NEGR1: variants seen among roughly 807,000 people sequenced by gnomAD.
NEGR1 encodes IgLON family member 4.
NEGR1 carries 10 observed loss-of-function variants against 40.9 expected under a neutral mutation model. The observed-to-expected ratio is 0.24, with a 90% confidence interval of 0.15 to 0.42. The LOEUF (loss-of-function observed/expected upper bound fraction) is 0.42. Among genes scored for constraint, NEGR1 ranks in the 10% least tolerant of loss-of-function variants. The pLI is 1.00. For missense variants in NEGR1, 352 were observed against 438.9 expected, an observed-to-expected ratio of 0.80 and a Z score of 1.77; for synonymous variants, 185 against 166.8, an observed-to-expected ratio of 1.11 and a Z score of -0.84.
intron 4 of NEGR1, among the ~76,000 whole-genome samples, chr1:71,674,974 G>C (rs891318480): frequency 4.0e-5 from 6 of 150,906 alleles, no homozygotes; most frequent in South Asian, 2.1e-4. Context: ...CCTAACACTT[G>C]TAACATTCCA....
At chr1:71,587,317 A>G (rs191133949) in intron 6 of NEGR1, among the ~76,000 whole-genome samples, 2 of 152,254 alleles carry the variant, frequency 1.3e-5, no homozygotes, top group Non-Finnish European at 2.9e-5. Context: ...TAACCAGGGA[A>G]AAACAGTTAC....
At chr1:71,551,188 A>G (rs948832264) in intron 6 of NEGR1, among the ~76,000 whole-genome samples, 4 of 151,670 alleles carry the variant, frequency 2.6e-5, no homozygotes, top group African/African-American at 4.8e-5. Context: ...AAAAATGTGA[A>G]CATTAAAAGT....
chr1:71,895,431 T>C (rs373316141), intron 2 of NEGR1, among the ~76,000 whole-genome samples: 186 of 152,300 alleles, frequency 1.2e-3, no homozygotes, highest in Non-Finnish European at 2.2e-3. Context: ...AGAAATGCCA[T>C]TCCCATTAGT....
At position 71,865,728 on chromosome 1, in the gene NEGR1, T is replaced by C. The variant is rs528503105; in HGVS notation, c.409+69351A>G. 1.0e-3 allele frequency among the ~76,000 whole-genome samples: 154 copies of C among 152,310 alleles called. 1 individual carries two copies. The highest frequency in any genetic ancestry group is 3.4e-3 in the African/African-American group (141 of 41,572). On this transcript the variant is annotated intron_variant, in intron 2 of 6. Coordinates refer to ENST00000357731, the MANE Select transcript of NEGR1 (RefSeq NM_173808.3). ...AACAAACCTGCACGTTCTGCACATG[T>C]ATCCCAGAACTTAAGTATATTAAAA...
At chr1:72,029,167 AT>A in intron 1 of NEGR1, among the ~76,000 whole-genome samples, 1 of 152,266 alleles carries the variant, frequency 6.6e-6, no homozygotes, top group African/African-American at 2.4e-5. Context: ...AGGGAACAAA[AT>A]AACAAAGGCA....
intron 1 of NEGR1, among the ~76,000 whole-genome samples, chr1:72,196,274 T>C (rs1472841514): frequency 6.6e-6 from 1 of 151,982 alleles, no homozygotes; most frequent in Non-Finnish European, 1.5e-5. Context: ...ACCTGTATAT[T>C]GCAAAAATTT....
intron 2 of NEGR1, among the ~76,000 whole-genome samples, chr1:71,810,832 C>T (rs1034425536): frequency 1.3e-5 from 2 of 152,070 alleles, no homozygotes; most frequent in Admixed American, 6.6e-5. Context: ...CTGAGGCCTC[C>T]CCAGCCATGC....
At chr1:71,692,198 C>A (rs1653309177) in intron 4 of NEGR1, among the ~76,000 whole-genome samples, 1 of 151,468 alleles carries the variant, frequency 6.6e-6, no homozygotes, top group South Asian at 2.1e-4. Context: ...AGTGTATCAT[C>A]ATTGGAGATG....
intron 4 of NEGR1, among the ~76,000 whole-genome samples, chr1:71,623,710 G>T (rs1217295027): frequency 6.6e-6 from 1 of 151,896 alleles, no homozygotes; most frequent in African/African-American, 2.4e-5. Context: ...GTAGCTTAAA[G>T]AAATCAGAAG....
chr1:71,732,342 C>CA (rs879804356), intron 3 of NEGR1, among the ~76,000 whole-genome samples: 12 of 151,908 alleles, frequency 7.9e-5, no homozygotes, highest in Non-Finnish European at 1.3e-4. Flanking sequence ...CAAACAACAA[C>CA]AAAAAAACCC....
chr1:71,759,150 T>G (rs906107079), intron 3 of NEGR1, among the ~76,000 whole-genome samples: 1 of 152,180 alleles, frequency 6.6e-6, no homozygotes, highest in Non-Finnish European at 1.5e-5. Context: ...ACATTGGTAG[T>G]ACCTAATGTT....
At chr1:72,012,436 G>A (rs1646665318) in intron 1 of NEGR1, among the ~76,000 whole-genome samples, 1 of 152,046 alleles carries the variant, frequency 6.6e-6, no homozygotes, top group African/African-American at 2.4e-5. Flanking sequence ...ATCAGTTTCT[G>A]TTATTGGTGC....
chr1:71,655,204 A>C (rs930250570), intron 4 of NEGR1, among the ~76,000 whole-genome samples: 3 of 152,194 alleles, frequency 2.0e-5, no homozygotes, highest in East Asian at 3.9e-4. Flanking sequence ...GGAAGGTCTA[A>C]AAGAAATTAT....
chr1:72,196,057 A>T (rs1260769920), intron 1 of NEGR1, among the ~76,000 whole-genome samples: 1 of 152,040 alleles, frequency 6.6e-6, no homozygotes, highest in Admixed American at 6.6e-5. Context: ...CTTTAAAAAA[A>T]TTTGTTTTAT....
At chr1:72,014,204 G>A (rs1485790701) in intron 1 of NEGR1, among the ~76,000 whole-genome samples, 2 of 151,830 alleles carry the variant, frequency 1.3e-5, no homozygotes, top group Non-Finnish European at 2.9e-5. Flanking sequence ...TGTTTATTGA[G>A]TGCTTATTCT....
At chr1:71,942,476 TATATATA>T (rs1404138009) in intron 1 of NEGR1, among the ~76,000 whole-genome samples, 14 of 16,618 alleles carry the variant, frequency 8.4e-4, no homozygotes, top group African/African-American at 2.5e-3. Flanking sequence ...TATATATATA[TATATATA>T]TTTTTTTTTT....
Position 72,267,181 on chromosome 1 carries a change from C to T in NEGR1, c.176+15138G>A, listed in dbSNP as rs1655675501. 2.0e-5 allele frequency among the ~76,000 whole-genome samples: 3 copies of T among 151,074 alleles called. 1 individual carries two copies. The highest frequency in any genetic ancestry group is 3.9e-4 in the East Asian group (2 of 5,138). On this transcript the variant is annotated intron_variant, in intron 1 of 6. Transcript: ENST00000357731. ...TTAACCCATTTTACAGTGAGGTAAC[C>T]AATCGGAATCAGTTTCCTGACCCAA...
intron 4 of NEGR1, among the ~76,000 whole-genome samples, chr1:71,679,604 G>A (rs922456195): frequency 6.6e-6 from 1 of 151,942 alleles, no homozygotes; most frequent in African/African-American, 2.4e-5. Context: ...CATCCACAAT[G>A]CAGAACATAA....
chr1:71,460,619 C>T (rs541822809), intron 6 of NEGR1, among the ~76,000 whole-genome samples: 1 of 152,234 alleles, frequency 6.6e-6, no homozygotes, highest in South Asian at 2.1e-4. Flanking sequence ...AAGGGCTTCT[C>T]AATAAGTATT....
Sources: allele counts gnomAD v4.1 joint callset (sites outside exome capture counted in the v4.1 genomes callset), GRCh38; gene constraint gnomAD v4.1.1; transcripts MANE v1.5; gene names NCBI Gene and HGNC (gene_info 2026-07-23, HGNC 2026-07-21).